FAM81A: variants seen among roughly 807,000 people sequenced by gnomAD.
FAM81A encodes protein FAM81A.
A neutral mutation model predicts 46.7 loss-of-function variants in FAM81A; 19 were observed. That is an observed-to-expected ratio of 0.41 (90% CI 0.28 to 0.60). The LOEUF is 0.60. Among genes scored for constraint, FAM81A ranks in the 20% least tolerant of loss-of-function variants. The probability of loss-of-function intolerance (pLI) is 0.34; values close to 1 mark genes in which losing one functional copy is unlikely to be tolerated. For synonymous variants in FAM81A, 183 were observed against 152.9 expected (o/e 1.20, Z -1.45); for missense variants, 377 against 453.5 (o/e 0.83, Z 1.53).
At chr15:59,461,694 C>G (rs565250297) in intron 3 of FAM81A, among the ~76,000 whole-genome samples, 1 of 152,248 alleles carries the variant, frequency 6.6e-6, no homozygotes, top group East Asian at 1.9e-4. Context: ...CTTTTTATGT[C>G]TGAGTAATAT....
At chr15:59,476,441 G>A (rs2081769421) in intron 3 of FAM81A, among the ~76,000 whole-genome samples, 1 of 151,984 alleles carries the variant, frequency 6.6e-6, no homozygotes, top group African/African-American at 2.4e-5. Context: ...ATGATGTAGA[G>A]TAAATTTAAA....
At position 59,510,655 on chromosome 15, in the gene FAM81A, A is replaced by C. The variant is rs142768401; in HGVS notation, c.650+1686A>C. ...TAGCTGGATATGGTTGTGCATGCCT[A>C]TAGTCCCAGCTACTCAGGAGGCTGA... On this transcript the variant is annotated intron_variant, in intron 6 of 8. Coordinates refer to ENST00000288228, the MANE Select transcript of FAM81A (RefSeq NM_152450.3). 8.0e-3 allele frequency among the ~76,000 whole-genome samples: 1,216 copies of C among 151,608 alleles called. 15 individuals carry two copies. The highest frequency in any genetic ancestry group is 0.027 in the African/African-American group (1,130 of 41,332).
chr15:59,401,791 T>C, intron 1 of FAM81A: 1 of 739,820 alleles, frequency 1.4e-6, no homozygotes, highest in Non-Finnish European at 2.5e-6. Flanking sequence ...TTTTTGGTGT[T>C]TCTCTTTTCA....
At chr15:59,405,563 C>T (rs1252548949) in intron 2 of FAM81A, among the ~76,000 whole-genome samples, 3 of 152,066 alleles carry the variant, frequency 2.0e-5, no homozygotes, top group African/African-American at 7.2e-5. Flanking sequence ...ATCGCTTGAA[C>T]CCTGGAGGCA....
At chr15:59,449,003 C>T (rs2081383984) in intron 1 of FAM81A, among the ~76,000 whole-genome samples, 1 of 152,140 alleles carries the variant, frequency 6.6e-6, no homozygotes, top group Non-Finnish European at 1.5e-5. Context: ...GTGCTGTGTT[C>T]TAACTAACTG....
chr15:59,431,535 T>C (rs1396967288), intron 2 of FAM81A, among the ~76,000 whole-genome samples: 2 of 150,634 alleles, frequency 1.3e-5, no homozygotes, highest in African/African-American at 4.8e-5. Context: ...AACCAGCCTT[T>C]TTTTTTTTTT....
chr15:59,432,791 G>A (rs919456448), intron 2 of FAM81A, among the ~76,000 whole-genome samples: 4 of 152,070 alleles, frequency 2.6e-5, no homozygotes. Flanking sequence ...TTTAAGGTGC[G>A]ACATTTAAGG....
chr15:59,429,241 T>C (rs1317757513), intron 2 of FAM81A, among the ~76,000 whole-genome samples: 1 of 152,240 alleles, frequency 6.6e-6, no homozygotes, highest in Non-Finnish European at 1.5e-5. Flanking sequence ...TTTATCTTTG[T>C]GTTCTGAAAT....
intron 4 of FAM81A, among the ~76,000 whole-genome samples, chr15:59,498,875 G>A (rs141494164): frequency 1.6e-3 from 244 of 152,208 alleles, no homozygotes; most frequent in African/African-American, 5.8e-3. Flanking sequence ...GGCTGGTCTC[G>A]AACTCCTGAC....
chr15:59,470,964 A>C (rs1210616021), intron 3 of FAM81A, among the ~76,000 whole-genome samples: 1 of 152,046 alleles, frequency 6.6e-6, no homozygotes, highest in Non-Finnish European at 1.5e-5. Context: ...CTGGAACTAC[A>C]GGTGCATGCC....
chr15:59,424,499 C>T (rs555437157), intron 2 of FAM81A, among the ~76,000 whole-genome samples: 2 of 152,344 alleles, frequency 1.3e-5, no homozygotes, highest in South Asian at 4.1e-4. Flanking sequence ...AAACTTCAGA[C>T]TCACAGTTCC....
Position 59,521,355 on chromosome 15 carries a change from C to G in FAM81A, c.1084C>G (p.Gln362Glu). The change falls in exon 9 of 9, where the codon CAG becomes GAG. Residue 362 changes from glutamine to glutamate, a missense_variant. Coordinates refer to ENST00000288228, the MANE Select transcript of FAM81A (RefSeq NM_152450.3). The part of the protein sequence containing the change: ...DQLQKQIQLM[Q>E]KPETPM ...GCTACAGAAGCAAATCCAGCTGATG[C>G]AGAAGCCAGAGACCCCCATGTGAAG... 3 of 1,611,838 alleles carry G rather than the reference C, an allele frequency of 1.9e-6. No individual in the cohort carries two copies. The highest frequency in any genetic ancestry group is 1.7e-5 in the Admixed American group (1 of 59,604).
chr15:59,449,018 T>C (rs1236969820), intron 1 of FAM81A, among the ~76,000 whole-genome samples: 1 of 152,226 alleles, frequency 6.6e-6, no homozygotes, highest in Non-Finnish European at 1.5e-5. Flanking sequence ...TAACTGCTCT[T>C]CTATTGTTGG....
chr15:59,410,443 C>A (rs945519475), intron 2 of FAM81A, among the ~76,000 whole-genome samples: 5 of 152,208 alleles, frequency 3.3e-5, no homozygotes, highest in Non-Finnish European at 7.3e-5. Flanking sequence ...TAGCTCTTAA[C>A]CTTAAGTAAA....
chr15:59,445,180 A>G (rs919592888), intron 1 of FAM81A: 1 of 152,188 alleles, frequency 6.6e-6, no homozygotes, highest in African/African-American at 2.4e-5. Flanking sequence ...GCGTTTGCTG[A>G]CTGGTTGTCA....
At chr15:59,469,080 T>G (rs2081651927) in intron 3 of FAM81A, among the ~76,000 whole-genome samples, 1 of 152,224 alleles carries the variant, frequency 6.6e-6, no homozygotes, top group African/African-American at 2.4e-5. Flanking sequence ...AGAGACAGTT[T>G]GTTGTGATTT....
upstream of FAM81A, among the ~76,000 whole-genome samples, chr15:59,433,900 G>C (rs1243561669): frequency 1.3e-5 from 2 of 152,160 alleles, no homozygotes; most frequent in Non-Finnish European, 2.9e-5. Context: ...CTGTCACCCA[G>C]GCTGAAGTAC....
chr15:59,440,434 A>T (rs1443266837), intron 1 of FAM81A, among the ~76,000 whole-genome samples: 1 of 152,146 alleles, frequency 6.6e-6, no homozygotes, highest in East Asian at 1.9e-4. Flanking sequence ...TGCCCCAAAA[A>T]AGGGATAAAC....
At chr15:59,484,155 G>T (rs2081889386) in intron 3 of FAM81A, among the ~76,000 whole-genome samples, 1 of 152,200 alleles carries the variant, frequency 6.6e-6, no homozygotes, top group Non-Finnish European at 1.5e-5. Flanking sequence ...AATAAGTACT[G>T]CCCTTAAAAC....
Sources: gnomAD v4.1 joint callset for allele counts (sites outside exome capture counted in the v4.1 genomes callset) on GRCh38, gnomAD v4.1.1 for gene constraint, MANE v1.5 for transcripts, NCBI Gene and HGNC (gene_info 2026-07-23, HGNC 2026-07-21) for gene names.